Variants in OCIAD2 observed in about 807,000 individuals in gnomAD.
OCIAD2 encodes OCIA domain-containing protein 2.
A neutral mutation model predicts 22.9 loss-of-function variants in OCIAD2; 29 were observed. The observed-to-expected ratio is 1.27, with a 90% CI of 0.94 to 1.73. OCIAD2 has a LOEUF of 1.73. Ranked by LOEUF, OCIAD2 falls within the 40% of genes most tolerant of loss-of-function variation. OCIAD2 has a pLI of 0.00. For missense variants in OCIAD2, 189 were observed against 180.3 expected (o/e 1.05, Z -0.28); for synonymous variants, 67 against 60.2 (o/e 1.11, Z -0.52).
intron 6 of OCIAD2, among the ~76,000 whole-genome samples, chr4:48,888,893 A>G (rs1415733114): frequency 6.6e-6 from 1 of 152,114 alleles, no homozygotes; most frequent in Non-Finnish European, 1.5e-5. Flanking sequence ...TATTGATTGG[A>G]ATAGTTTCAG....
intron 3 of OCIAD2, 107 bp from the exon 4 acceptor site, chr4:48,897,964 G>A: frequency 2.7e-6 from 2 of 746,346 alleles, no homozygotes; most frequent in Non-Finnish European, 4.7e-6. Flanking sequence ...CCTTGGCAGT[G>A]AATTTTTATT....
intron 6 of OCIAD2, among the ~76,000 whole-genome samples, chr4:48,887,230 G>C (rs1011847239): frequency 7.2e-5 from 11 of 152,170 alleles, no homozygotes; most frequent in Non-Finnish European, 1.5e-4. Context: ...GTAGATTCTG[G>C]ATATTAGCCC....
chr4:48,898,207 T>G (rs1311350168), intron 3 of OCIAD2, among the ~76,000 whole-genome samples: 1 of 152,198 alleles, frequency 6.6e-6, no homozygotes, highest in Non-Finnish European at 1.5e-5. Context: ...GGGAGTTGCC[T>G]TTAGCTATGT....
At chr4:48,885,625 TACATA>T (rs1230158189) in intron 6 of OCIAD2, 60 bp from the exon 7 acceptor site, 18 of 830,022 alleles carry the variant, frequency 2.2e-5, no homozygotes, top group Non-Finnish European at 3.1e-5. Context: ...CCCTAGTCTT[TACATA>T]ACATATTATT....
At chr4:48,893,930 C>A in intron 5 of OCIAD2, 76 bp downstream of exon 5, 3 of 868,388 alleles carry the variant, frequency 3.5e-6, no homozygotes, top group Non-Finnish European at 5.2e-6. Context: ...AATCTACCCA[C>A]CTCAGCCTCC....
intron 1 of OCIAD2, among the ~76,000 whole-genome samples, chr4:48,905,006 T>C (rs1050639364): frequency 6.6e-6 from 1 of 152,122 alleles, no homozygotes; most frequent in African/African-American, 2.4e-5. Context: ...GTCCATTCCA[T>C]CTAGTCATGT....
intron 4 of OCIAD2, among the ~76,000 whole-genome samples, chr4:48,894,474 C>T (rs545301059): frequency 6.6e-6 from 1 of 152,108 alleles, no homozygotes; most frequent in Admixed American, 6.5e-5. Context: ...GCCTGGGTGA[C>T]AGAGCGAGAC....
chr4:48,892,706 G>C (rs1781202896), intron 6 of OCIAD2, 66 bp downstream of exon 6: 2 of 785,172 alleles, frequency 2.5e-6, no homozygotes, highest in Non-Finnish European at 2.0e-6. Context: ...ATTATAAATA[G>C]TGAGTAATCT....
chr4:48,899,237 T>G (rs1228759856), intron 3 of OCIAD2, among the ~76,000 whole-genome samples: 1 of 152,236 alleles, frequency 6.6e-6, no homozygotes, highest in Non-Finnish European at 1.5e-5. Context: ...ATCACACATT[T>G]TTTTAATTGG....
rs56387840 is a variant in OCIAD2, at chr4:48,889,088, T to G, written c.384-3523A>C. ...TTGGGAGGGTGTATGTGTCCAGCAATTTATCCATTTCTTCTAGATTTTCTA... is the reference window on the plus strand; with the variant it reads ...TTGGGAGGGTGTATGTGTCCAGCAAGTTATCCATTTCTTCTAGATTTTCTA... On this transcript the variant is annotated intron_variant, in intron 6 of 6. Coordinates refer to ENST00000508632, the MANE Select transcript of OCIAD2 (RefSeq NM_001014446.3). 3.1e-3 allele frequency among the ~76,000 whole-genome samples: 477 copies of G among 152,336 alleles called. 1 individual carries two copies. The highest frequency in any genetic ancestry group is 0.011 in the African/African-American group (447 of 41,576).
At chr4:48,886,681 T>C (rs1213665075) in intron 6 of OCIAD2, among the ~76,000 whole-genome samples, 2 of 152,186 alleles carry the variant, frequency 1.3e-5, no homozygotes, top group Non-Finnish European at 2.9e-5. Context: ...CATCCTTTTT[T>C]TATGGCTGCA....
chr4:48,888,072 T>C (rs1781043587), intron 6 of OCIAD2, among the ~76,000 whole-genome samples: 1 of 152,218 alleles, frequency 6.6e-6, no homozygotes, highest in Non-Finnish European at 1.5e-5. Flanking sequence ...TAAGTTGGAT[T>C]CCTAGGTATT....
intron 6 of OCIAD2, among the ~76,000 whole-genome samples, chr4:48,886,267 T>G (rs1450219623): frequency 1.3e-5 from 2 of 152,232 alleles, no homozygotes; most frequent in Non-Finnish European, 2.9e-5. Context: ...AGGGCTCTGT[T>G]CTGTTCCATT....
chr4:48,905,282 A>G (rs1249874252), intron 1 of OCIAD2, among the ~76,000 whole-genome samples: 1 of 152,188 alleles, frequency 6.6e-6, no homozygotes, highest in Non-Finnish European at 1.5e-5. Context: ...GTTCCAGAAC[A>G]GGGGTAGGCT....
At chr4:48,902,696 G>A (rs1377101422) in intron 2 of OCIAD2, among the ~76,000 whole-genome samples, 2 of 152,206 alleles carry the variant, frequency 1.3e-5, no homozygotes, top group African/African-American at 2.4e-5. Flanking sequence ...CCATCAGCCT[G>A]TAATCCCAGG....
chr4:48,892,791 A>C lies in OCIAD2; in HGVS notation c.364T>G (p.Phe122Val), dbSNP rs1270747005. The change falls in exon 6 of 7, where the codon TTT becomes GTT. Residue 122 changes from phenylalanine to valine, a missense_variant. Coordinates refer to ENST00000508632, the MANE Select transcript of OCIAD2 (RefSeq NM_001014446.3). Reference protein sequence around the residue: ...FFEDQLRGAGFGPQHNRHCLL... With the variant: ...FFEDQLRGAGVGPQHNRHCLL... ...ACAAACCTGTTATGCTGTGGACCAA[A>C]ACCAGCCCCACGGAGCTGATCTTCA... 5 of 1,599,292 alleles carry C rather than the reference A, an allele frequency of 3.1e-6. No homozygotes were observed. The highest frequency in any genetic ancestry group is 4.3e-6 in the Non-Finnish European group (5 of 1,167,668).
chr4:48,903,338 T>C (rs1175668196), intron 2 of OCIAD2, among the ~76,000 whole-genome samples: 9 of 152,164 alleles, frequency 5.9e-5, no homozygotes, highest in Admixed American at 1.3e-4. Flanking sequence ...TGTGATTACT[T>C]ACAGTAATAT....
intron 1 of OCIAD2, among the ~76,000 whole-genome samples, chr4:48,904,867 G>A (rs765215344): frequency 3.3e-5 from 5 of 152,164 alleles, no homozygotes; most frequent in Non-Finnish European, 7.3e-5. Context: ...CAGGCCAGGG[G>A]ATATGAAGAA....
intron 3 of OCIAD2, among the ~76,000 whole-genome samples, 186 bp downstream of exon 3, chr4:48,899,642 TC>T: frequency 6.6e-6 from 1 of 152,186 alleles, no homozygotes; most frequent in Non-Finnish European, 1.5e-5. Context: ...GGTAAAGTGC[TC>T]CTTAATCAGA....
Sources: allele counts gnomAD v4.1 joint callset (sites outside exome capture counted in the v4.1 genomes callset), GRCh38; gene constraint gnomAD v4.1.1; transcripts MANE v1.5; gene names NCBI Gene and HGNC (gene_info 2026-07-23, HGNC 2026-07-21).